NT5M: variants seen among roughly 807,000 people sequenced by gnomAD.
NT5M encodes 5',3'-nucleotidase, mitochondrial, also known as 5'(3')-deoxyribonucleotidase, mitochondrial.
A neutral mutation model predicts 22.2 loss-of-function variants in NT5M; 22 were observed. The ratio of observed to expected loss-of-function variants is 0.99; its 90% CI spans 0.71 to 1.41. The LOEUF is 1.41. Ranked by LOEUF, NT5M falls within the 40% of genes most tolerant of loss-of-function variation. NT5M has a pLI of 0.00. For synonymous variants in NT5M, 167 were observed against 133.0 expected, an observed-to-expected ratio of 1.26 and a Z score of -1.76; for missense variants, 322 against 314.8, an observed-to-expected ratio of 1.02 and a Z score of -0.17.
rs1391728350 is a variant in NT5M, at chr17:17,327,247, T to A, written c.429+4002T>A. Among the ~76,000 whole-genome samples, 3 of 104,618 alleles carry A rather than the reference T, an allele frequency of 2.9e-5. 1 individual carries two copies. The highest frequency in any genetic ancestry group is 6.2e-5 in the Non-Finnish European group (3 of 48,482). The allele number at this position is 104,618 out of a possible 152,430, so 68.6% of individuals were successfully genotyped here. A position where few individuals can be genotyped will look rare whatever the true frequency, so the allele number is the denominator to read the frequency against. On this transcript the variant is annotated intron_variant, in intron 3 of 4. Transcript: ENST00000389022. The stretch of plus-strand genomic sequence containing the variant: ...TTTGATGCGTATTAAATATAATACA[T>A]GTATTTTAACAAAGCTTTCATCCAA...
intron 3 of NT5M, among the ~76,000 whole-genome samples, chr17:17,343,687 C>T (rs2049696878): frequency 6.6e-6 from 1 of 152,130 alleles, no homozygotes; most frequent in South Asian, 2.1e-4. Context: ...GCCTGGGCCA[C>T]TCAGTGTTTC....
chr17:17,310,764 A>AG (rs2048906378), intron 2 of NT5M, among the ~76,000 whole-genome samples: 1 of 109,950 alleles, frequency 9.1e-6, no homozygotes, highest in Non-Finnish European at 1.8e-5. Flanking sequence ...CTTGAACCTC[A>AG]GGGGGGTGGA....
At chr17:17,310,884 C>T (rs2048909761) in intron 2 of NT5M, among the ~76,000 whole-genome samples, 1 of 152,132 alleles carries the variant, frequency 6.6e-6, no homozygotes, top group Non-Finnish European at 1.5e-5. Context: ...TTCGGCTGAG[C>T]ACAGTGGCTC....
At chr17:17,346,774 G>A in intron 4 of NT5M, 31 bp from the exon 5 acceptor site, 1 of 1,604,278 alleles carries the variant, frequency 6.2e-7, no homozygotes, top group Non-Finnish European at 8.5e-7. Flanking sequence ...GGTCTCCACT[G>A]CTGAGCTGAA....
intron 3 of NT5M, among the ~76,000 whole-genome samples, chr17:17,324,825 A>G (rs1477623540): frequency 6.6e-6 from 1 of 152,152 alleles, no homozygotes; most frequent in Non-Finnish European, 1.5e-5. Context: ...GCTGCGCACC[A>G]CGCACCACCA....
intron 3 of NT5M, among the ~76,000 whole-genome samples, chr17:17,340,090 G>A (rs1213811470): frequency 1.3e-5 from 2 of 152,164 alleles, no homozygotes; most frequent in East Asian, 3.8e-4. Context: ...GTAGAATTCA[G>A]CAGTGAAGCT....
At chr17:17,343,540 C>T (rs147856053) in intron 3 of NT5M, among the ~76,000 whole-genome samples, 140 of 152,256 alleles carry the variant, frequency 9.2e-4, no homozygotes, top group African/African-American at 2.9e-3. Context: ...CTGAAGCGAC[C>T]TCCAACTGGA....
intron 4 of NT5M, 69 bp downstream of exon 4, chr17:17,344,977 G>T: frequency 1.9e-6 from 3 of 1,601,052 alleles, no homozygotes; most frequent in South Asian, 2.2e-5. Flanking sequence ...CTCCTGGGCA[G>T]TGAGCACTCA....
intron 3 of NT5M, among the ~76,000 whole-genome samples, chr17:17,330,568 G>T (rs1448271530): frequency 2.0e-5 from 3 of 151,734 alleles, no homozygotes; most frequent in Non-Finnish European, 4.4e-5. Flanking sequence ...TAGAGACAAG[G>T]TTTCACCACA....
intron 1 of NT5M, 44 bp downstream of exon 1, chr17:17,303,861 C>A: frequency 7.5e-7 from 1 of 1,337,682 alleles, no homozygotes; most frequent in South Asian, 1.8e-5. Flanking sequence ...CCTTCTCGCC[C>A]CGAGCCCCAG....
chr17:17,344,470 T>C (rs3785502), intron 3 of NT5M, among the ~76,000 whole-genome samples: 55,899 of 151,808 alleles, frequency 0.37, 10,793 homozygotes, highest in East Asian at 0.47. Flanking sequence ...GTGGCACACA[T>C]GGCCGCCCTC....
intron 1 of NT5M, chr17:17,304,045 A>G (rs771184913): frequency 8.0e-5 from 93 of 1,156,972 alleles, no homozygotes; most frequent in Non-Finnish European, 8.8e-5. Context: ...GGAGAGTACA[A>G]AGTGTTAATA....
chr17:17,319,472 A>G (rs967063878), intron 2 of NT5M, among the ~76,000 whole-genome samples: 6 of 152,236 alleles, frequency 3.9e-5, no homozygotes, highest in African/African-American at 1.4e-4. Context: ...AAAACTTTTA[A>G]GAAATGTTTA....
At chr17:17,311,337 T>C (rs970645042) in intron 2 of NT5M, among the ~76,000 whole-genome samples, 6 of 61,132 alleles carry the variant, frequency 9.8e-5, no homozygotes, top group African/African-American at 2.7e-4. Flanking sequence ...AGACTCTGTC[T>C]CAAAAAAAAA....
Position 17,306,527 on chromosome 17 carries a change from T to C in NT5M, c.268-16T>C. On this transcript the variant is annotated splice_polypyrimidine_tract_variant and intron_variant, in intron 1 of 4. Coordinates refer to ENST00000389022, the MANE Select transcript of NT5M (RefSeq NM_020201.4). The stretch of plus-strand genomic sequence containing the variant: ...CTGAGGACCCTGGAAGTAACTTGCT[T>C]TTCTCAACTTCTCAGGAGAAGGCCA... The C allele has an allele frequency of 6.2e-7, 1 of 1,602,856 alleles. No homozygotes were observed. The highest frequency in any genetic ancestry group is 8.5e-7 in the Non-Finnish European group (1 of 1,169,890).
At chr17:17,345,101 G>C (rs957986938) in intron 4 of NT5M, 193 bp downstream of exon 4, 11 of 612,608 alleles carry the variant, frequency 1.8e-5, no homozygotes, top group Non-Finnish European at 2.2e-5. Flanking sequence ...TGGGAGCTGG[G>C]AGGAGTGGGT....
At chr17:17,341,381 C>T (rs1409584422) in intron 3 of NT5M, among the ~76,000 whole-genome samples, 1 of 152,216 alleles carries the variant, frequency 6.6e-6, no homozygotes, top group Admixed American at 6.5e-5. Context: ...GTGGAAGTCA[C>T]TGGCTTGCCC....
chr17:17,342,849 TC>T (rs1462389845), intron 3 of NT5M, among the ~76,000 whole-genome samples: 1 of 152,224 alleles, frequency 6.6e-6, no homozygotes, highest in Non-Finnish European at 1.5e-5. Context: ...GTGTGCCTCC[TC>T]CTGCTATGTG....
At chr17:17,308,904 A>G (rs1380478927) in intron 2 of NT5M, among the ~76,000 whole-genome samples, 2 of 152,166 alleles carry the variant, frequency 1.3e-5, no homozygotes, top group South Asian at 2.1e-4. Flanking sequence ...TTCAAGGTTC[A>G]TTCATGTTGC....
Sources: allele counts gnomAD v4.1 joint callset (sites outside exome capture counted in the v4.1 genomes callset), GRCh38; gene constraint gnomAD v4.1.1; transcripts MANE v1.5; gene names NCBI Gene and HGNC (gene_info 2026-07-23, HGNC 2026-07-21).